The following FGF1 variants were observed in gnomAD, a reference collection of about 807,000 sequenced individuals.
FGF1 encodes the protein beta-endothelial cell growth factor.
In FGF1, 9 loss-of-function variants were observed where a neutral mutation model predicts 13.4. The observed-to-expected ratio is 0.67, with a 90% CI of 0.40 to 1.17. FGF1 has a LOEUF of 1.17. FGF1 is among the 50% of genes most tolerant of loss of function. The pLI, the probability that FGF1 is intolerant of heterozygous loss-of-function variation, is 0.01. For missense variants in FGF1, 156 were observed against 192.7 expected, an observed-to-expected ratio of 0.81 and a Z score of 1.13; for synonymous variants, 93 against 79.0, an observed-to-expected ratio of 1.18 and a Z score of -0.94.
chr5:142,653,080 C>G (rs1411468953), intron 1 of FGF1, among the ~76,000 whole-genome samples: 1 of 152,172 alleles, frequency 6.6e-6, no homozygotes, highest in East Asian at 1.9e-4. Flanking sequence ...CCCAGCCAGT[C>G]ATTCATGCAG....
intron 1 of FGF1, among the ~76,000 whole-genome samples, chr5:142,654,895 C>A (rs1475147486): frequency 6.6e-6 from 1 of 152,232 alleles, no homozygotes; most frequent in Non-Finnish European, 1.5e-5. Flanking sequence ...GAGCAGAGGG[C>A]TGCAGGCCTG....
chr5:142,651,147 A>T (rs748101984), intron 1 of FGF1, among the ~76,000 whole-genome samples: 4 of 151,822 alleles, frequency 2.6e-5, no homozygotes, highest in Non-Finnish European at 5.9e-5. Context: ...GTGATAACCC[A>T]GGGGCACCTG....
rs112275548 is a variant in FGF1 at position 142,640,427 on chromosome 5, G to T, written c.-34-26266C>A. Among the ~76,000 whole-genome samples, 124 of 45,132 alleles carry T rather than the reference G, an allele frequency of 2.7e-3. 3 individuals are homozygous for T. The highest frequency in any genetic ancestry group is 6.7e-3 in the African/African-American group (102 of 15,278). The allele number at this position is 45,132 out of a possible 152,430, so 29.6% of individuals were successfully genotyped here. A position where few individuals can be genotyped will look rare whatever the true frequency, so the allele number is the denominator to read the frequency against. ...AGTGCACCAGGAGGTGGAGTATGGT[G>T]GGGGGGGGGGTCTCTCTGAGAAGCG... On this transcript the variant is annotated intron_variant, in intron 1 of 3. Transcript: ENST00000337706.
chr5:142,638,048 C>T (rs1249046982), intron 1 of FGF1, among the ~76,000 whole-genome samples: 7 of 152,088 alleles, frequency 4.6e-5, no homozygotes, highest in South Asian at 2.1e-4. Flanking sequence ...CCTCAGACAG[C>T]GAACAAAGCA....
intron 1 of FGF1, among the ~76,000 whole-genome samples, chr5:142,667,264 A>G (rs1237771740): frequency 6.6e-6 from 1 of 151,782 alleles, no homozygotes; most frequent in Non-Finnish European, 1.5e-5. Context: ...AGCCTGGGCA[A>G]CAGAGCGAGA....
chr5:142,690,648 A>G (rs1034389075), upstream of FGF1, among the ~76,000 whole-genome samples: 1 of 152,230 alleles, frequency 6.6e-6, no homozygotes, highest in African/African-American at 2.4e-5. Flanking sequence ...TGCCTGGAGT[A>G]TTGGGGTATC....
chr5:142,593,248 A>G lies in FGF1; in HGVS notation c.*2042T>C, dbSNP rs1175927029. On this transcript the variant is annotated 3_prime_UTR_variant, in exon 4 of 4. Coordinates refer to ENST00000337706, the MANE Select transcript of FGF1 (RefSeq NM_000800.5). ...TCTCTGGGTATCTTTTTCTGGCCAAATCTTCATACTAAAGAGACGTTAAGC... is the reference window on the plus strand; with the variant it reads ...TCTCTGGGTATCTTTTTCTGGCCAAGTCTTCATACTAAAGAGACGTTAAGC... 1 of 152,222 alleles carries G rather than the reference A, an allele frequency of 6.6e-6. No homozygotes were observed. Among genetic ancestry groups the G allele is most frequent in the Admixed American group, 6.5e-5 (1 of 15,278 alleles). The allele number at this position is 152,222 out of a possible 1,614,324, so 9.4% of individuals were successfully genotyped here. A position where few individuals can be genotyped will look rare whatever the true frequency, so the allele number is the denominator to read the frequency against.
intron 1 of FGF1, chr5:142,685,536 A>T (rs1750967053): frequency 6.6e-6 from 1 of 152,270 alleles, no homozygotes; most frequent in East Asian, 1.9e-4. Flanking sequence ...CTTCTGCCGA[A>T]CCTCAAGGGC....
chr5:142,600,600 G>A (rs1294736518), intron 3 of FGF1, 102 bp downstream of exon 3: 1 of 799,088 alleles, frequency 1.3e-6, no homozygotes, highest in Non-Finnish European at 2.2e-6. Context: ...ATAACAAACA[G>A]AGACTAATTG....
At chr5:142,619,639 G>GC (rs1346916898) in intron 1 of FGF1, among the ~76,000 whole-genome samples, 1 of 152,156 alleles carries the variant, frequency 6.6e-6, no homozygotes, top group African/African-American at 2.4e-5. Flanking sequence ...TTCGTGACCA[G>GC]CCTGACGAAC....
At chr5:142,645,964 A>G (rs1765979005) in intron 1 of FGF1, among the ~76,000 whole-genome samples, 1 of 152,130 alleles carries the variant, frequency 6.6e-6, no homozygotes, top group African/African-American at 2.4e-5. Flanking sequence ...GCTGAAGCGC[A>G]GTGGTGCGAT....
At chr5:142,628,092 G>C (rs1478316967) in intron 1 of FGF1, among the ~76,000 whole-genome samples, 5 of 152,176 alleles carry the variant, frequency 3.3e-5, no homozygotes, top group African/African-American at 1.2e-4. Context: ...GGACATGACT[G>C]GTGTCTGATA....
chr5:142,696,216 T>G (rs567718460), intron 2 of FGF1, among the ~76,000 whole-genome samples: 1 of 152,322 alleles, frequency 6.6e-6, no homozygotes, highest in South Asian at 2.1e-4. Flanking sequence ...CTTCTGTCAC[T>G]AATACATTTT....
upstream of FGF1, among the ~76,000 whole-genome samples, chr5:142,689,949 C>A (rs1452997922): frequency 6.7e-6 from 1 of 150,176 alleles, no homozygotes; most frequent in Non-Finnish European, 1.5e-5. Flanking sequence ...GATCTGCCCA[C>A]CTCGGCCTCC....
rs1320210333 is a variant in FGF1, at chr5:142,600,697, C to A, written c.273+5G>T. 6.2e-7 allele frequency: 1 copy of A among 1,605,054 alleles called. No individual in the cohort carries two copies. On this transcript the variant is annotated splice_donor_5th_base_variant and intron_variant, in intron 3 of 3. Transcript: ENST00000337706. ...CGTCTGGAAGCATGTCAGCTTCATA[C>A]TTACTGAGCCGTATAAAAGCCCGTC...
chr5:142,635,439 A>G (rs1764094007), intron 1 of FGF1, among the ~76,000 whole-genome samples: 1 of 152,238 alleles, frequency 6.6e-6, no homozygotes, highest in Non-Finnish European at 1.5e-5. Context: ...ACTTAAGTGA[A>G]TAAAATGAAT....
intron 3 of FGF1, among the ~76,000 whole-genome samples, chr5:142,599,155 C>T (rs1472947335): frequency 6.6e-6 from 1 of 152,168 alleles, no homozygotes; most frequent in Non-Finnish European, 1.5e-5. Flanking sequence ...GCCAGAGTGG[C>T]AGAGGCGTGA....
upstream of FGF1, among the ~76,000 whole-genome samples, chr5:142,690,928 C>T (rs58823190): frequency 0.14 from 21,267 of 152,160 alleles, 1,805 homozygotes; most frequent in Non-Finnish European, 0.19. Context: ...CCCATTCCCT[C>T]TGCCCAGAAT....
At chr5:142,647,220 G>T (rs1488502526) in intron 1 of FGF1, among the ~76,000 whole-genome samples, 1 of 152,164 alleles carries the variant, frequency 6.6e-6, no homozygotes, top group African/African-American at 2.4e-5. Flanking sequence ...ATAAATTTGT[G>T]AAGTTGCCCC....
Sources: gnomAD v4.1 joint callset for allele counts (sites outside exome capture counted in the v4.1 genomes callset) on GRCh38, gnomAD v4.1.1 for gene constraint, MANE v1.5 for transcripts, NCBI Gene and HGNC (gene_info 2026-07-23, HGNC 2026-07-21) for gene names.